The following FGF14 variants were observed in gnomAD, a reference collection of about 807,000 sequenced individuals.
FGF14 encodes fibroblast growth factor 14, also known as fibroblast growth factor homologous factor 4.
FGF14 carries 5 observed loss-of-function variants against 25.5 expected under a neutral mutation model. That is an observed-to-expected ratio of 0.20 (90% CI 0.10 to 0.41). The LOEUF is 0.41. FGF14 is among the 10% of genes least tolerant of loss of function. The pLI is 1.00. For missense variants in FGF14, 222 were observed against 320.1 expected (o/e 0.69, Z 2.34); for synonymous variants, 138 against 118.3 (o/e 1.17, Z -1.08).
At chr13:101,937,861 G>GTGCTGGGAT (rs1255115313) in intron 1 of FGF14, among the ~76,000 whole-genome samples, 2 of 152,138 alleles carry the variant, frequency 1.3e-5, no homozygotes, top group African/African-American at 4.8e-5. Context: ...GCCTCCAAAA[G>GTGCTGGGAT]TGCTGGGATT....
In FGF14 at chr13:102,377,890, C is replaced by G. The variant is rs1023664157; in HGVS notation, c.208+23581G>C. On this transcript the variant is annotated intron_variant, in intron 1 of 4. Coordinates refer to the FGF14 transcript ENST00000376131. ...GAACAATATAAGACTTCAGAACTGTCTGTCTATAGCCAGTCTCACTGTAGG... is the reference window on the plus strand; with the variant it reads ...GAACAATATAAGACTTCAGAACTGTGTGTCTATAGCCAGTCTCACTGTAGG... Among the ~76,000 whole-genome samples the G allele has an allele frequency of 2.4e-4, 36 of 152,160 alleles. 1 individual carries two copies. Among genetic ancestry groups the G allele is most frequent in the Non-Finnish European group, 1.6e-4 (11 of 68,018 alleles).
chr13:102,328,479 G>C (rs1177095551), intron 1 of FGF14, among the ~76,000 whole-genome samples: 1 of 152,168 alleles, frequency 6.6e-6, no homozygotes, highest in Non-Finnish European at 1.5e-5. Flanking sequence ...ATAAAGCACA[G>C]GTTTCTATCC....
At chr13:101,819,483 A>C (rs938368736) in intron 3 of FGF14, among the ~76,000 whole-genome samples, 5 of 152,214 alleles carry the variant, frequency 3.3e-5, no homozygotes, top group Non-Finnish European at 7.3e-5. Flanking sequence ...GTAAGGGGAT[A>C]GCTATCTTCC....
chr13:101,868,598 G>A (rs144586026), intron 3 of FGF14, 127 bp downstream of exon 3: 7 of 745,376 alleles, frequency 9.4e-6, no homozygotes, highest in African/African-American at 3.4e-5. Flanking sequence ...AAGCATTCTC[G>A]CAAAGATCAA....
At chr13:101,914,628 C>T (rs1011819795) in intron 1 of FGF14, among the ~76,000 whole-genome samples, 4 of 152,148 alleles carry the variant, frequency 2.6e-5, no homozygotes, top group Admixed American at 2.6e-4. Context: ...AAACACCCAA[C>T]TTAAAATTCA....
chr13:101,940,701 A>G (rs917453547), intron 1 of FGF14, among the ~76,000 whole-genome samples: 2 of 152,140 alleles, frequency 1.3e-5, no homozygotes, highest in Non-Finnish European at 2.9e-5. Flanking sequence ...GTCTTTTGTC[A>G]GCATATCTCA....
intron 3 of FGF14, among the ~76,000 whole-genome samples, chr13:101,846,181 G>A (rs150566276): frequency 2.4e-4 from 37 of 151,932 alleles, no homozygotes; most frequent in East Asian, 7.8e-4. Context: ...TGAAATGAAC[G>A]GAGTTAAACA....
intron 1 of FGF14, among the ~76,000 whole-genome samples, chr13:102,025,929 A>G (rs988153616): frequency 6.6e-6 from 1 of 151,920 alleles, no homozygotes; most frequent in African/African-American, 2.4e-5. Context: ...TGCATTATCT[A>G]TATAGGGGGT....
chr13:101,717,019 C>A lies in FGF14; in HGVS notation c.*5812G>T, dbSNP rs534571502. On this transcript the variant is annotated 3_prime_UTR_variant, in exon 5 of 5. Coordinates refer to ENST00000376143, the MANE Select transcript of FGF14 (RefSeq NM_004115.4). ...TAATTATTTAGAGCTAAAAAAAAAA[C>A]CACTTTTTTTCTAAAGGTGAATTAC... 270 of 151,592 alleles carry A rather than the reference C, an allele frequency of 1.8e-3. 3 individuals are homozygous for A. The highest frequency in any genetic ancestry group is 6.1e-3 in the African/African-American group (253 of 41,392). The allele number at this position is 151,592 out of a possible 1,614,324, so 9.4% of individuals were successfully genotyped here. A position where few individuals can be genotyped will look rare whatever the true frequency, so the allele number is the denominator to read the frequency against.
At chr13:102,195,908 T>A (rs185183064) in intron 1 of FGF14, among the ~76,000 whole-genome samples, 1 of 151,944 alleles carries the variant, frequency 6.6e-6, no homozygotes, top group East Asian at 1.9e-4. Context: ...ACATTACATT[T>A]GGATAATGAT....
At chr13:102,168,425 C>T (rs997250020) in intron 1 of FGF14, among the ~76,000 whole-genome samples, 1 of 152,014 alleles carries the variant, frequency 6.6e-6, no homozygotes, top group Non-Finnish European at 1.5e-5. Context: ...GTGATCTGCC[C>T]ACCTCGGCCT....
chr13:102,068,615 G>A (rs965561527), intron 1 of FGF14, among the ~76,000 whole-genome samples: 8 of 152,206 alleles, frequency 5.3e-5, no homozygotes, highest in African/African-American at 1.2e-4. Context: ...CTTGGCACCC[G>A]GGCCAGCGGC....
At chr13:102,004,770 C>A (rs1219057760) in intron 1 of FGF14, among the ~76,000 whole-genome samples, 1 of 152,092 alleles carries the variant, frequency 6.6e-6, no homozygotes, top group Non-Finnish European at 1.5e-5. Flanking sequence ...GGGCTGTAAC[C>A]CCCATGCTGC....
upstream of FGF14, among the ~76,000 whole-genome samples, chr13:101,917,807 C>T (rs2033684815): frequency 6.6e-6 from 1 of 152,110 alleles, no homozygotes; most frequent in African/African-American, 2.4e-5. Context: ...GATAGAAAGA[C>T]CCCACTCCCA....
chr13:101,850,486 AT>A (rs2043730364), intron 3 of FGF14, among the ~76,000 whole-genome samples: 2 of 1,164 alleles, frequency 1.7e-3, no homozygotes, highest in Admixed American at 0.014. Flanking sequence ...ATATATATAT[AT>A]ATATATATAT....
chr13:101,774,254 G>A (rs1315928654), intron 3 of FGF14, among the ~76,000 whole-genome samples: 1 of 152,110 alleles, frequency 6.6e-6, no homozygotes, highest in Non-Finnish European at 1.5e-5. Flanking sequence ...TAGTTCCAGA[G>A]GAGCAGATGG....
At chr13:102,326,706 GGAAGGAA>G (rs2056451609) in intron 1 of FGF14, among the ~76,000 whole-genome samples, 2 of 64,978 alleles carry the variant, frequency 3.1e-5, no homozygotes, top group Non-Finnish European at 6.4e-5. Context: ...AAGGAAGGAA[GGAAGGAA>G]GGAAGGAAGG....
At chr13:102,204,891 A>G (rs1016815973) in intron 1 of FGF14, among the ~76,000 whole-genome samples, 6 of 152,338 alleles carry the variant, frequency 3.9e-5, no homozygotes, top group Admixed American at 3.3e-4. Context: ...ATCACAAGGT[A>G]TAAGATTAAA....
chr13:102,106,200 C>T (rs2044902215), intron 1 of FGF14, among the ~76,000 whole-genome samples: 3 of 152,108 alleles, frequency 2.0e-5, no homozygotes, highest in Admixed American at 1.3e-4. Context: ...TGAGTGATTG[C>T]TACTAAGGTA....
Sources: gnomAD v4.1 joint callset for allele counts (sites outside exome capture counted in the v4.1 genomes callset) on GRCh38, gnomAD v4.1.1 for gene constraint, MANE v1.5 for transcripts, NCBI Gene and HGNC (gene_info 2026-07-23, HGNC 2026-07-21) for gene names.